The following SLC25A13 variants were observed in gnomAD, a reference collection of about 807,000 sequenced individuals.
SLC25A13 encodes solute carrier family 25 member 13, also known as electrogenic aspartate/glutamate antiporter SLC25A13, mitochondrial.
A neutral mutation model predicts 85.5 loss-of-function variants in SLC25A13; 70 were observed. That is an observed-to-expected ratio of 0.82 (90% CI 0.68 to 1.00). SLC25A13 has a LOEUF of 1.00. Among genes scored for constraint, SLC25A13 ranks in the 50% least tolerant of loss-of-function variants. The pLI, the probability that SLC25A13 is intolerant of heterozygous loss-of-function variation, is 0.00. For missense variants in SLC25A13, 765 were observed against 819.8 expected (o/e 0.93, Z 0.82); for synonymous variants, 259 against 288.7 (o/e 0.90, Z 1.04).
chr7:96,280,754 A>T (rs886844607), intron 2 of SLC25A13, among the ~76,000 whole-genome samples: 1 of 152,104 alleles, frequency 6.6e-6, no homozygotes, highest in Non-Finnish European at 1.5e-5. Flanking sequence ...ATACCATGCC[A>T]TACCCCCAAG....
chr7:96,286,557 C>T (rs1798894664), intron 2 of SLC25A13, among the ~76,000 whole-genome samples: 1 of 152,194 alleles, frequency 6.6e-6, no homozygotes. Context: ...CTTAATGACT[C>T]TCCATAGAAA....
intron 1 of SLC25A13, among the ~76,000 whole-genome samples, chr7:96,298,734 T>C (rs1415675518): frequency 1.3e-5 from 2 of 152,180 alleles, no homozygotes; most frequent in African/African-American, 2.4e-5. Context: ...TGCCCAGCCA[T>C]GAATTTTTAA....
intron 3 of SLC25A13, among the ~76,000 whole-genome samples, chr7:96,251,677 T>C (rs992451638): frequency 6.6e-6 from 1 of 152,246 alleles, no homozygotes; most frequent in Non-Finnish European, 1.5e-5. Context: ...TTTGCATTGA[T>C]ATGGAGTGAA....
intron 3 of SLC25A13, among the ~76,000 whole-genome samples, chr7:96,269,031 A>G (rs539056669): frequency 1.3e-5 from 2 of 152,306 alleles, no homozygotes; most frequent in African/African-American, 4.8e-5. Context: ...CACTACATCA[A>G]TTCACATTTA....
chr7:96,138,901 CT>C (rs1180038027), intron 14 of SLC25A13, among the ~76,000 whole-genome samples: 1 of 152,134 alleles, frequency 6.6e-6, no homozygotes, highest in Non-Finnish European at 1.5e-5. Flanking sequence ...AAGCCATCTC[CT>C]TTTAATTTGC....
intron 4 of SLC25A13, among the ~76,000 whole-genome samples, chr7:96,217,916 A>AC (rs993682610): frequency 1.3e-5 from 2 of 151,520 alleles, no homozygotes; most frequent in African/African-American, 4.9e-5. Flanking sequence ...AAAAAAACAA[A>AC]AAACACCTAG....
intron 13 of SLC25A13, among the ~76,000 whole-genome samples, chr7:96,161,004 GCTC>G (rs1793488765): frequency 1.3e-5 from 2 of 148,804 alleles, no homozygotes; most frequent in Admixed American, 1.3e-4. Flanking sequence ...CTATTAATTG[GCTC>G]CTCCTTTTTT....
chr7:96,176,395 A>G (rs1794224007), intron 11 of SLC25A13, among the ~76,000 whole-genome samples: 1 of 152,184 alleles, frequency 6.6e-6, no homozygotes, highest in Non-Finnish European at 1.5e-5. Context: ...CTCAAAAGAA[A>G]TTTATTAGTG....
At chr7:96,243,683 A>C (rs893527092) in intron 3 of SLC25A13, among the ~76,000 whole-genome samples, 2 of 152,076 alleles carry the variant, frequency 1.3e-5, no homozygotes, top group Non-Finnish European at 2.9e-5. Context: ...AGGTATTGAG[A>C]TCTGAATGGT....
At chr7:96,216,908 T>TA (rs1180765635) in intron 4 of SLC25A13, among the ~76,000 whole-genome samples, 2 of 150,526 alleles carry the variant, frequency 1.3e-5, no homozygotes, top group Admixed American at 6.6e-5. Context: ...TAAAAAAGTT[T>TA]AAAAAAAAGA....
intron 2 of SLC25A13, among the ~76,000 whole-genome samples, chr7:96,292,514 G>A (rs892052777): frequency 6.6e-6 from 1 of 152,196 alleles, no homozygotes; most frequent in African/African-American, 2.4e-5. Context: ...TGACATGATT[G>A]TATATTTAGA....
rs398122839 is a variant in SLC25A13, at chr7:96,184,390, C to A, written c.1064G>T (p.Arg355Leu). The A allele has an allele frequency of 6.2e-7, 1 of 1,614,062 alleles. No individual in the cohort carries two copies. Among genetic ancestry groups the A allele is most frequent in the South Asian group, 1.1e-5 (1 of 91,076 alleles). ...GCCAGTTGATCGTTGGTTCTGCATT[C>A]GAGTTTTTACAAGATCGATAGGATA... ...AVYPIDLVKT[R>L]MQNQRSTGSF... Residue 355 changes from arginine (R) to leucine (L), a missense_variant, in exon 11 of 18, where the codon CGA becomes CTA. Transcript: ENST00000265631.
intron 4 of SLC25A13, among the ~76,000 whole-genome samples, chr7:96,226,770 T>C (rs928898442): frequency 1.3e-5 from 2 of 152,190 alleles, no homozygotes; most frequent in African/African-American, 4.8e-5. Context: ...TCTCCTCACA[T>C]AATAGCACAG....
intron 3 of SLC25A13, among the ~76,000 whole-genome samples, chr7:96,254,446 T>C (rs1207536965): frequency 6.6e-6 from 1 of 152,214 alleles, no homozygotes. Flanking sequence ...AGACAGCTGA[T>C]ACTGGGAATT....
In SLC25A13 at chr7:96,170,075, T is replaced by G; in HGVS notation, c.1281A>C (p.Pro427=). The G allele has an allele frequency of 6.2e-7, 1 of 1,614,206 alleles. No individual in the cohort carries two copies. Among genetic ancestry groups the G allele is most frequent in the South Asian group, 1.1e-5 (1 of 91,084 alleles). ...DKFMHKDGSV[P]LAAEILAGGC... Reference sequence around the variant, plus strand: ...CTCCAGCAAGAATTTCTGCTGCAAGTGGGACCGAACCATCTTTGTGCATAA... The same window carrying G: ...CTCCAGCAAGAATTTCTGCTGCAAGGGGGACCGAACCATCTTTGTGCATAA... The change falls in exon 13 of 18, where the codon CCA becomes CCC. Residue 427 remains proline (P), a synonymous_variant. Transcript: ENST00000265631.
At chr7:96,155,029 GCCTCAAGTGAT>G (rs1224800371) in intron 13 of SLC25A13, among the ~76,000 whole-genome samples, 6 of 152,026 alleles carry the variant, frequency 3.9e-5, no homozygotes, top group Non-Finnish European at 7.4e-5. Flanking sequence ...CAAACTCCTG[GCCTCAAGTGAT>G]CCACCCACCT....
intron 3 of SLC25A13, among the ~76,000 whole-genome samples, chr7:96,263,526 A>G (rs911503403): frequency 4.6e-5 from 7 of 152,060 alleles, no homozygotes; most frequent in African/African-American, 1.7e-4. Flanking sequence ...CAGGTTGGGT[A>G]GATCCCATAT....
At chr7:96,209,086 T>C (rs1361860275) in intron 4 of SLC25A13, 109 bp from the exon 5 acceptor site, 9 of 1,099,004 alleles carry the variant, frequency 8.2e-6, no homozygotes, top group Non-Finnish European at 1.2e-5. Context: ...AGTAATTCAA[T>C]TTTAAATAGA....
In SLC25A13 at chr7:96,120,464, T is replaced by A. The variant is rs759111517; in HGVS notation, c.*727A>T. 8.8e-6 allele frequency: 4 copies of A among 454,450 alleles called. No individual in the cohort carries two copies. Among genetic ancestry groups the A allele is most frequent in the East Asian group, 1.4e-4 (2 of 14,392 alleles). The allele number at this position is 454,450 out of a possible 1,614,324, so 28.2% of individuals were successfully genotyped here. A position where few individuals can be genotyped will look rare whatever the true frequency, so the allele number is the denominator to read the frequency against. On this transcript the variant is annotated 3_prime_UTR_variant, in exon 18 of 18. Transcript: ENST00000265631. ...ATAGGCAGTAATCAGTACATGTACA[T>A]CATATGAGCAGTTTTTCAAAATTAG...
Sources: gnomAD v4.1 joint callset for allele counts (sites outside exome capture counted in the v4.1 genomes callset) on GRCh38, gnomAD v4.1.1 for gene constraint, MANE v1.5 for transcripts, NCBI Gene and HGNC (gene_info 2026-07-23, HGNC 2026-07-21) for gene names.